The following CEP250 variants were observed in gnomAD, a reference collection of about 807,000 sequenced individuals.
The protein encoded by CEP250 is centrosomal protein 250.
A neutral mutation model predicts 315.7 loss-of-function variants in CEP250; 242 were observed. The ratio of observed to expected loss-of-function variants is 0.77; its 90% CI spans 0.69 to 0.85. CEP250 has a LOEUF of 0.85. Ranked by LOEUF, CEP250 falls within the 40% of genes least tolerant of loss-of-function variation. CEP250 has a pLI of 0.00. For missense variants in CEP250, 2,515 were observed against 2,886.4 expected (o/e 0.87, Z 2.95); for synonymous variants, 1,088 against 1,175.0 (o/e 0.93, Z 1.51).
intron 30 of CEP250, 152 bp from the exon 31 acceptor site, chr20:35,507,586 A>G: frequency 1.5e-6 from 1 of 654,018 alleles, no homozygotes; most frequent in South Asian, 1.8e-5. Flanking sequence ...TATCTGTAAA[A>G]TGAAGGTTCT....
At chr20:35,483,912 T>C (rs906594540) in intron 20 of CEP250, among the ~76,000 whole-genome samples, 7 of 152,196 alleles carry the variant, frequency 4.6e-5, no homozygotes, top group African/African-American at 1.4e-4. Context: ...TTAAATTTTT[T>C]ATTTCTAGAT....
At chr20:35,491,139 A>G in intron 21 of CEP250, 73 bp from the exon 22 acceptor site, 2 of 1,551,238 alleles carry the variant, frequency 1.3e-6, no homozygotes, top group Non-Finnish European at 1.8e-6. Flanking sequence ...GGCAGCTGGG[A>G]TGTGCTTGTG....
rs987177647 is a variant in CEP250, at chr20:35,513,811, G to A, written c.*2185G>A. The stretch of plus-strand genomic sequence containing the variant: ...GGCTGCCAAGCAGGGTCTTTATTCA[G>A]GACTAGACTAATCTGTATTTGCTCT... On this transcript the variant is annotated 3_prime_UTR_variant, in exon 35 of 35. Coordinates refer to ENST00000397527, the MANE Select transcript of CEP250 (RefSeq NM_007186.6). 5 of 152,270 alleles carry A rather than the reference G, an allele frequency of 3.3e-5. No individual in the cohort carries two copies. The highest frequency in any genetic ancestry group is 1.2e-4 in the African/African-American group (5 of 41,464). The allele number at this position is 152,270 out of a possible 1,614,324, so 9.4% of individuals were successfully genotyped here.
intron 9 of CEP250, among the ~76,000 whole-genome samples, chr20:35,467,767 G>T (rs890289745): frequency 1.3e-5 from 2 of 152,032 alleles, no homozygotes; most frequent in Non-Finnish European, 2.9e-5. Flanking sequence ...TTTCTTTCCT[G>T]TTGATTTATG....
intron 10 of CEP250, among the ~76,000 whole-genome samples, chr20:35,470,972 G>A (rs2063011019): frequency 1.3e-5 from 2 of 152,110 alleles, no homozygotes; most frequent in South Asian, 4.1e-4. Flanking sequence ...AGAACCCTCT[G>A]GCTTAATACC....
At chr20:35,468,499 G>A (rs1185380947) in intron 9 of CEP250, among the ~76,000 whole-genome samples, 2 of 152,174 alleles carry the variant, frequency 1.3e-5, no homozygotes, top group African/African-American at 4.8e-5. Flanking sequence ...GTTCATATAT[G>A]CCCATGACGA....
chr20:35,479,876 G>A (rs557415000), intron 19 of CEP250, 100 bp from the exon 20 acceptor site: 1 of 1,596,158 alleles, frequency 6.3e-7, no homozygotes, highest in Non-Finnish European at 8.6e-7. Flanking sequence ...CAGGGTGCAG[G>A]GCCTCTGAGA....
chr20:35,463,788 C>T (rs777860926), intron 5 of CEP250, among the ~76,000 whole-genome samples, 157 bp downstream of exon 5: 11 of 152,252 alleles, frequency 7.2e-5, no homozygotes, highest in Non-Finnish European at 1.3e-4. Context: ...CTGATATCTT[C>T]ATTGGACCTA....
intron 31 of CEP250, 62 bp from the exon 32 acceptor site, chr20:35,507,971 CCT>C (rs1449122142): frequency 6.2e-7 from 1 of 1,607,834 alleles, no homozygotes; most frequent in African/African-American, 1.3e-5. Context: ...GTCTGTGTGT[CCT>C]CTGTCTGTTC....
intron 14 of CEP250, 104 bp downstream of exon 14, chr20:35,474,156 G>C: frequency 1.1e-6 from 1 of 941,760 alleles, no homozygotes. Context: ...GTAGAAGTCT[G>C]GCATGCAGTG....
rs2064445338 is a variant in CEP250, at chr20:35,517,336, G to A, written c.*5710G>A. 1 of 152,210 alleles carries A rather than the reference G, an allele frequency of 6.6e-6. No individual in the cohort carries two copies. Among genetic ancestry groups the A allele is most frequent in the Non-Finnish European group, 1.5e-5 (1 of 68,076 alleles). The allele number at this position is 152,210 out of a possible 1,614,324, so 9.4% of individuals were successfully genotyped here. On this transcript the variant is annotated 3_prime_UTR_variant, in exon 35 of 35. Coordinates refer to ENST00000397527, the MANE Select transcript of CEP250 (RefSeq NM_007186.6). ...AGGCTTGGCAATCAAGGGTGATGGA[G>A]ATAAGAATGAAAAGGGGCACCACCC...
At position 35,515,414 on chromosome 20, in the gene CEP250, G is replaced by A. The variant is rs1271811962; in HGVS notation, c.*3788G>A. On this transcript the variant is annotated 3_prime_UTR_variant, in exon 35 of 35. Transcript: ENST00000397527. ...TGATCAAACCAGGCAGACACACCAT[G>A]CTGGTGAAGGCAGGCTTTGTAGATG... 1 of 152,286 alleles carries A rather than the reference G, an allele frequency of 6.6e-6. No individual in the cohort carries two copies. Among genetic ancestry groups the A allele is most frequent in the Non-Finnish European group, 1.5e-5 (1 of 68,086 alleles). The allele number at this position is 152,286 out of a possible 1,614,324, so 9.4% of individuals were successfully genotyped here.
At chr20:35,498,801 T>C in intron 27 of CEP250, 85 bp downstream of exon 27, 1 of 1,433,812 alleles carries the variant, frequency 7.0e-7, no homozygotes, top group Non-Finnish European at 9.2e-7. Flanking sequence ...TTTGACCTGT[T>C]TTATTCCTGA....
At chr20:35,497,197 AG>A (rs1378356995) in intron 25 of CEP250, among the ~76,000 whole-genome samples, 1 of 152,188 alleles carries the variant, frequency 6.6e-6, no homozygotes, top group Non-Finnish European at 1.5e-5. Context: ...GGTGGCTTGC[AG>A]GGGTTAAGGG....
Position 35,462,565 on chromosome 20 carries a change from GC to G in CEP250, c.186+15del, listed in dbSNP as rs966662221. On this transcript the variant is annotated intron_variant, in intron 4 of 34. Coordinates refer to ENST00000397527, the MANE Select transcript of CEP250 (RefSeq NM_007186.6). ...AGCTGCAGGCCAAGGTGAGGCAGCTGCCCTTTTGGGGAGGGGAAAGAGAACA... is the reference window on the plus strand; with the variant it reads ...AGCTGCAGGCCAAGGTGAGGCAGCTGCCTTTTGGGGAGGGGAAAGAGAACA... 1.3e-6 allele frequency: 2 copies of G among 1,582,582 alleles called. No individual in the cohort carries two copies. Among genetic ancestry groups the G allele is most frequent in the Non-Finnish European group, 1.7e-6 (2 of 1,164,030 alleles).
intron 2 of CEP250, among the ~76,000 whole-genome samples, chr20:35,459,189 C>T (rs1302912248): frequency 6.6e-6 from 1 of 151,522 alleles, no homozygotes; most frequent in African/African-American, 2.4e-5. Context: ...AATGAAGTTG[C>T]TTTATCTCTA....
In CEP250 at chr20:35,501,774, C is replaced by G. The variant is rs1449518029; in HGVS notation, c.3899-71C>G. ...TCTGTTCCCCATCCTCCATCTGCCT[C>G]TATATCCCTCTATATCCCAAACATG... On this transcript the variant is annotated intron_variant, in intron 28 of 34. Coordinates refer to ENST00000397527, the MANE Select transcript of CEP250 (RefSeq NM_007186.6). The G allele has an allele frequency of 4.0e-6, 6 of 1,492,702 alleles. No homozygotes were observed. The African/African-American group carries it at 8.4e-5, about 21-fold the overall frequency. The allele number at this position is 1,492,702 out of a possible 1,614,324, so 92.5% of individuals were successfully genotyped here. A position where few individuals can be genotyped will look rare whatever the true frequency, so the allele number is the denominator to read the frequency against.
At chr20:35,493,386 G>T in intron 22 of CEP250, 43 bp from the exon 23 acceptor site, 1 of 1,461,368 alleles carries the variant, frequency 6.8e-7, no homozygotes, top group South Asian at 1.4e-5. Context: ...GTATTTCTAT[G>T]ACACAGATTT....
At position 35,467,017 on chromosome 20, in the gene CEP250, C is replaced by T. The variant is rs775018359; in HGVS notation, c.544C>T (p.Arg182Trp). The change falls in exon 8 of 35, where the codon CGG (arginine) becomes TGG (tryptophan). Residue 182 changes from arginine (R) to tryptophan (W), a missense_variant. Transcript: ENST00000397527. ...GCACGGTCGCCTTCTCAGTCTATGGCGGGAGGTTGTGACATTCCGACGCCA... is the reference window on the plus strand; with the variant it reads ...GCACGGTCGCCTTCTCAGTCTATGGTGGGAGGTTGTGACATTCCGACGCCA... Reference protein sequence around the residue: ...GEHGRLLSLWREVVTFRRHFL... With the variant: ...GEHGRLLSLWWEVVTFRRHFL... 5.6e-6 allele frequency: 9 copies of T among 1,613,880 alleles called. No homozygotes were observed. In the Middle Eastern group the frequency reaches 9.9e-4, roughly 178 times the overall value.
Sources: allele counts gnomAD v4.1 joint callset (sites outside exome capture counted in the v4.1 genomes callset), GRCh38; gene constraint gnomAD v4.1.1; transcripts MANE v1.5; gene names NCBI Gene and HGNC (gene_info 2026-07-23, HGNC 2026-07-21).